DYNC1I1: variants seen among roughly 807,000 people sequenced by gnomAD.
DYNC1I1 encodes the protein dynein cytoplasmic 1 intermediate chain 1.
A neutral mutation model predicts 86.6 loss-of-function variants in DYNC1I1; 43 were observed. The ratio of observed to expected loss-of-function variants is 0.50; its 90% confidence interval spans 0.39 to 0.64. The LOEUF (loss-of-function observed/expected upper bound fraction) is 0.64. Among genes scored for constraint, DYNC1I1 ranks in the 30% least tolerant of loss-of-function variants. The pLI, the probability that DYNC1I1 is intolerant of heterozygous loss-of-function variation, is 0.00. For synonymous variants in DYNC1I1, 262 were observed against 283.7 expected, an observed-to-expected ratio of 0.92 and a Z score of 0.77; for missense variants, 604 against 788.8, an observed-to-expected ratio of 0.77 and a Z score of 2.81.
chr7:95,914,005 T>A (rs1791405905), intron 6 of DYNC1I1, among the ~76,000 whole-genome samples: 1 of 152,188 alleles, frequency 6.6e-6, no homozygotes, highest in Non-Finnish European at 1.5e-5. Context: ...GTGCATTTGA[T>A]CTGTTTGCAA....
chr7:95,902,598 G>A (rs1791067439), intron 6 of DYNC1I1, among the ~76,000 whole-genome samples: 3 of 152,112 alleles, frequency 2.0e-5, no homozygotes, highest in Admixed American at 2.0e-4. Flanking sequence ...CAGACATCTT[G>A]TTTACATTCA....
intron 4 of DYNC1I1, chr7:95,818,638 G>T (rs537488724): frequency 3.6e-5 from 18 of 500,710 alleles, no homozygotes; most frequent in African/African-American, 3.3e-4. Flanking sequence ...GACCCATTGT[G>T]CCCAGCCTAA....
At chr7:95,810,004 G>A (rs1365279470) in intron 2 of DYNC1I1, among the ~76,000 whole-genome samples, 1 of 152,042 alleles carries the variant, frequency 6.6e-6, no homozygotes, top group Non-Finnish European at 1.5e-5. Context: ...CAAACATGGG[G>A]CCTGAATATT....
intron 7 of DYNC1I1, among the ~76,000 whole-genome samples, chr7:95,978,711 A>G (rs1168438715): frequency 1.3e-5 from 2 of 152,184 alleles, no homozygotes; most frequent in Admixed American, 1.3e-4. Context: ...CCAAGTACTC[A>G]CTTCAACACC....
intron 14 of DYNC1I1, among the ~76,000 whole-genome samples, chr7:96,049,470 T>A (rs1408205396): frequency 6.6e-6 from 1 of 152,098 alleles, no homozygotes; most frequent in East Asian, 1.9e-4. Context: ...ATTATTGTAG[T>A]CCCTTTTGAC....
At chr7:96,054,327 T>C (rs1046959496) in intron 14 of DYNC1I1, among the ~76,000 whole-genome samples, 2 of 152,258 alleles carry the variant, frequency 1.3e-5, no homozygotes. Context: ...CATCCTGTTT[T>C]ATGGCTGCAT....
At chr7:95,865,399 A>G (rs1307631768) in intron 5 of DYNC1I1, among the ~76,000 whole-genome samples, 1 of 152,128 alleles carries the variant, frequency 6.6e-6, no homozygotes, top group Non-Finnish European at 1.5e-5. Context: ...CATTGTTTCT[A>G]CCTTTTCTCC....
intron 8 of DYNC1I1, among the ~76,000 whole-genome samples, chr7:95,985,720 A>AT (rs113595357): frequency 6.6e-6 from 1 of 151,634 alleles, no homozygotes; most frequent in African/African-American, 2.4e-5. Flanking sequence ...ATCAGGCCTG[A>AT]TTTTTTTTGC....
At chr7:95,815,295 A>G (rs1794922426) in intron 4 of DYNC1I1, among the ~76,000 whole-genome samples, 1 of 152,178 alleles carries the variant, frequency 6.6e-6, no homozygotes, top group Admixed American at 6.5e-5. Context: ...CCTACCCAAC[A>G]CAATAGTAAC....
intron 16 of DYNC1I1, among the ~76,000 whole-genome samples, chr7:96,087,264 G>A (rs1266415350): frequency 6.6e-6 from 1 of 152,274 alleles, no homozygotes; most frequent in East Asian, 1.9e-4. Flanking sequence ...ACTTAGATTT[G>A]GGAGGTTAAT....
intron 16 of DYNC1I1, among the ~76,000 whole-genome samples, chr7:96,096,387 A>G (rs1416378532): frequency 6.6e-6 from 1 of 152,166 alleles, no homozygotes; most frequent in Non-Finnish European, 1.5e-5. Flanking sequence ...TGGATAGTGT[A>G]GTGTAGCACT....
chr7:95,926,434 A>G (rs1320962307), intron 6 of DYNC1I1, among the ~76,000 whole-genome samples: 1 of 152,200 alleles, frequency 6.6e-6, no homozygotes, highest in African/African-American at 2.4e-5. Context: ...CTGATTTGAT[A>G]CTGATAAAAT....
chr7:95,847,842 C>T (rs990253829), intron 5 of DYNC1I1, among the ~76,000 whole-genome samples: 2 of 152,132 alleles, frequency 1.3e-5, no homozygotes, highest in Non-Finnish European at 2.9e-5. Flanking sequence ...CCTTGAAATT[C>T]ACACCAGAGC....
At chr7:95,862,872 A>G (rs1252088871) in intron 5 of DYNC1I1, among the ~76,000 whole-genome samples, 1 of 152,242 alleles carries the variant, frequency 6.6e-6, no homozygotes, top group Non-Finnish European at 1.5e-5. Context: ...ATCTATGTAC[A>G]TCCTCCTGTA....
intron 1 of DYNC1I1, among the ~76,000 whole-genome samples, chr7:95,793,311 C>T (rs1260028523): frequency 6.6e-6 from 1 of 151,830 alleles, no homozygotes; most frequent in Non-Finnish European, 1.5e-5. Flanking sequence ...TTGGGGCTGA[C>T]CAAGGAAAAG....
intron 5 of DYNC1I1, among the ~76,000 whole-genome samples, chr7:95,846,669 C>G (rs2600567): frequency 7.7e-6 from 1 of 129,370 alleles, no homozygotes; most frequent in African/African-American, 3.0e-5. Context: ...GTGTGTGTGA[C>G]GAAGGGGGCC....
rs149103142 is a variant in DYNC1I1, at chr7:95,846,801, T to C, written c.374+18685T>C. Among the ~76,000 whole-genome samples the C allele has an allele frequency of 1.1e-3, 171 of 152,302 alleles. 1 individual carries two copies. The East Asian group carries it at 0.024, about 21-fold the overall frequency. ...TGTTACACCTTGACACCTCAGTACA[T>C]TAGAATTCAGTAGTTGAAAAACAAA... On this transcript the variant is annotated intron_variant, in intron 5 of 16. Coordinates refer to ENST00000447467, the MANE Select transcript of DYNC1I1 (RefSeq NM_001135556.2).
chr7:95,924,128 C>G (rs1791681148), intron 6 of DYNC1I1, among the ~76,000 whole-genome samples: 1 of 152,108 alleles, frequency 6.6e-6, no homozygotes, highest in Admixed American at 6.6e-5. Context: ...ATTTACAGAG[C>G]ATCTCCCCAA....
intron 6 of DYNC1I1, among the ~76,000 whole-genome samples, chr7:95,912,696 C>T (rs78488978): frequency 0.078 from 11,846 of 152,054 alleles, 676 homozygotes; most frequent in African/African-American, 0.16. Context: ...GCTTTGGAGG[C>T]GGGAGGAGGA....
Sources: gnomAD v4.1 joint callset for allele counts (sites outside exome capture counted in the v4.1 genomes callset) on GRCh38, gnomAD v4.1.1 for gene constraint, MANE v1.5 for transcripts, NCBI Gene and HGNC (gene_info 2026-07-23, HGNC 2026-07-21) for gene names.